Variants in FUS observed in about 807,000 individuals in gnomAD.
The protein encoded by FUS is FUS RNA binding protein.
Under a neutral mutation model 82.7 loss-of-function variants are expected in FUS, and 5 were observed. That is an observed-to-expected ratio of 0.06 (90% CI 0.03 to 0.13). The LOEUF is 0.13. FUS is among the 10% of genes least tolerant of loss of function. FUS has a pLI of 1.00. For missense variants in FUS, 512 were observed against 707.8 expected (o/e 0.72, Z 3.14); for synonymous variants, 281 against 247.4 (o/e 1.14, Z -1.27).
intron 2 of FUS, 36 bp from the exon 3 acceptor site, chr16:31,182,477 A>G (rs2079193907): frequency 1.2e-6 from 2 of 1,614,002 alleles, no homozygotes; most frequent in East Asian, 2.2e-5. Context: ...TGGTCACGCC[A>G]TGTTTTCTGA....
chr16:31,192,777 G>C (rs532947828), downstream of FUS: 1 of 480,170 alleles, frequency 2.1e-6, no homozygotes, highest in South Asian at 1.5e-5. Flanking sequence ...CACTGTGTTG[G>C]CCAGGCTGGT....
chr16:31,187,250 GT>G (rs2079284288), intron 7 of FUS: 1 of 304,052 alleles, frequency 3.3e-6, no homozygotes, highest in Non-Finnish European at 6.3e-6. Context: ...AACTCCGAAT[GT>G]TTAATTCTGG....
chr16:31,190,295 T>C lies in FUS; in HGVS notation c.1189T>C (p.Tyr397His). 1 of 1,614,000 alleles carries C rather than the reference T, an allele frequency of 6.2e-7. No individual in the cohort carries two copies. The highest frequency in any genetic ancestry group is 1.1e-5 in the South Asian group (1 of 91,054). Residue 397 changes from tyrosine (Y) to histidine (H), a missense_variant, in exon 12 of 15, where the codon TAT becomes CAT. By Grantham distance (83) the Tyr-to-His change is moderately conservative. Coordinates refer to ENST00000254108, the MANE Select transcript of FUS (RefSeq NM_004960.4). ...ATTAGGACCCATGGGCCGTGGAGGC[T>C]ATGGAGGTGGTGGCAGTGGTGGTGG... is the stretch of plus-strand genomic sequence containing the variant. ...GRGGPMGRGG[Y>H]GGGGSGGGGR...
chr16:31,182,908 G>A (rs895971596), intron 3 of FUS: 4 of 483,796 alleles, frequency 8.3e-6, no homozygotes, highest in Non-Finnish European at 1.5e-5. Context: ...TAGAGATGGG[G>A]TTTCACCGTG....
chr16:31,194,849 T>G, downstream of FUS: 1 of 476,206 alleles, frequency 2.1e-6, no homozygotes. Context: ...AAAAAATGAT[T>G]GACTTCAGTC....
chr16:31,191,731 C>G (rs2079364585), downstream of FUS: 1 of 650,870 alleles, frequency 1.5e-6, no homozygotes, highest in African/African-American at 1.8e-5. Flanking sequence ...GGGAGAAGGC[C>G]AAATGATATC....
At chr16:31,192,472 C>T (rs181164144), downstream of FUS, 140 of 517,864 alleles carry the variant, frequency 2.7e-4, 1 homozygote, top group Middle Eastern at 1.1e-3. Flanking sequence ...ACAGGGTTTT[C>T]GAACTTGGTT....
chr16:31,191,469 T>G lies in FUS; in HGVS notation c.*31T>G. 1 of 1,612,102 alleles carries G rather than the reference T, an allele frequency of 6.2e-7. No homozygotes were observed. The highest frequency in any genetic ancestry group is 8.5e-7 in the Non-Finnish European group (1 of 1,178,406). ...CTGGCTCCCCAGGTTCTGGAACAGC[T>G]TTTTGTCCTGTACCCAGTGTTACCC... On this transcript the variant is annotated 3_prime_UTR_variant, in exon 15 of 15. Transcript: ENST00000254108.
chr16:31,193,741 T>A (rs2079389647), downstream of FUS: 1 of 530,518 alleles, frequency 1.9e-6, no homozygotes, highest in Admixed American at 2.2e-5. Context: ...CAAGCCAACC[T>A]CCCACCTCAG....
At chr16:31,187,164 C>T (rs1208986536) in intron 7 of FUS, 2 of 431,502 alleles carry the variant, frequency 4.6e-6, no homozygotes, top group Admixed American at 3.6e-5. Flanking sequence ...TGCTGGAACA[C>T]GTGGTGCCAT....
Position 31,186,663 on chromosome 16 carries a change from A to AG in FUS, c.765-136dup, listed in dbSNP as rs1596901636. 1.1e-5 allele frequency: 8 copies of AG among 752,782 alleles called. No homozygotes were observed. The East Asian group carries it at 2.1e-4, about 19-fold the overall frequency. The allele number at this position is 752,782 out of a possible 1,614,324, so 46.6% of individuals were successfully genotyped here. On this transcript the variant is annotated intron_variant, in intron 6 of 14. Transcript: ENST00000254108. ...AAGGTCAGACAAGGGGTGGTCAGGA[A>AG]GGGATGTATTTTAGTAGCCACTTGT... is the stretch of plus-strand genomic sequence containing the variant.
At position 31,188,330 on chromosome 16, in the gene FUS, C is replaced by T. The variant is rs755018172; in HGVS notation, c.805C>T (p.Arg269Trp). The T allele has an allele frequency of 3.0e-5, 48 of 1,612,700 alleles. No individual in the cohort carries two copies. The highest frequency in any genetic ancestry group is 3.7e-5 in the Non-Finnish European group (44 of 1,179,822). The change falls in exon 8 of 15, where the codon CGG becomes TGG. Residue 269 changes from arginine to tryptophan, a missense_variant. Coordinates refer to ENST00000254108, the MANE Select transcript of FUS (RefSeq NM_004960.4). ...TTTTTTCCATGTCACTAAAGGCCCT[C>T]GGGACCAAGGATCACGTCATGACTC... The part of the protein sequence containing the change: ...RGGFNKFGGP[R>W]DQGSRHDSEQ...
downstream of FUS, chr16:31,193,295 C>A (rs769979858): frequency 7.8e-6 from 4 of 515,556 alleles, no homozygotes; most frequent in South Asian, 6.2e-5. Context: ...AGTGGTCTGG[C>A]GTATTAAAAA....
downstream of FUS, chr16:31,194,256 C>T (rs1567483252): frequency 3.8e-6 from 2 of 530,692 alleles, no homozygotes; most frequent in Non-Finnish European, 3.6e-6. Context: ...ACTGATCTAC[C>T]TTTAGGCATG....
At chr16:31,194,287 T>G (rs987321907), downstream of FUS, 11 of 528,370 alleles carry the variant, frequency 2.1e-5, no homozygotes, top group Admixed American at 2.5e-4. Context: ...AGTCTCATCC[T>G]TTTTAAATTT....
chr16:31,186,646 A>G, intron 6 of FUS, 156 bp from the exon 7 acceptor site: 3 of 712,958 alleles, frequency 4.2e-6, no homozygotes, highest in Non-Finnish European at 7.7e-6. Context: ...CAAAGGTCAG[A>G]CAAGGGGTGG....
downstream of FUS, chr16:31,193,010 G>A (rs1233808000): frequency 2.1e-6 from 1 of 485,352 alleles, no homozygotes; most frequent in Non-Finnish European, 4.1e-6. Context: ...TGCCCAGGCT[G>A]GAGTGCAATG....
At position 31,183,802 on chromosome 16, in the gene FUS, C is replaced by T. The variant is rs934183425; in HGVS notation, c.191-56C>T. The T allele has an allele frequency of 4.3e-6, 7 of 1,609,218 alleles. No individual in the cohort carries two copies. The African/African-American group carries it at 5.3e-5, about 12-fold the overall frequency. On this transcript the variant is annotated intron_variant, in intron 3 of 14. Transcript: ENST00000254108. ...GTATTATGTTTTCTTTAACCCATTC[C>T]TTACATTTTCTCTTTCCTGGTGGCT...
At chr16:31,194,214 G>T (rs1235922094), downstream of FUS, 1 of 531,538 alleles carries the variant, frequency 1.9e-6, no homozygotes, top group East Asian at 3.9e-5. Context: ...AGGAATTAAG[G>T]TCTAGGGTCC....
Sources: gnomAD v4.1 joint callset for allele counts on GRCh38, gnomAD v4.1.1 for gene constraint, MANE v1.5 for transcripts, NCBI Gene and HGNC (gene_info 2026-07-23, HGNC 2026-07-21) for gene names.